Variants in PLCB1 observed in about 807,000 individuals in gnomAD.
The protein encoded by PLCB1 is phospholipase C beta 1.
A neutral mutation model predicts 161.8 loss-of-function variants in PLCB1; 46 were observed. That is an observed-to-expected ratio of 0.28 (90% CI 0.22 to 0.36). The LOEUF is 0.36. Ranked by LOEUF, PLCB1 falls within the 10% of genes least tolerant of loss-of-function variation. PLCB1 has a pLI of 1.00. For synonymous variants in PLCB1, 517 were observed against 503.7 expected (o/e 1.03, Z -0.35); for missense variants, 1,016 against 1,472.5 (o/e 0.69, Z 5.07).
intron 2 of PLCB1, among the ~76,000 whole-genome samples, chr20:8,286,421 T>C (rs1041733111): frequency 2.0e-5 from 3 of 152,234 alleles, no homozygotes; most frequent in African/African-American, 7.2e-5. Flanking sequence ...TCTCATATTA[T>C]GTAATGATAT....
chr20:8,735,521 T>C (rs888859427), intron 19 of PLCB1, among the ~76,000 whole-genome samples: 2 of 152,216 alleles, frequency 1.3e-5, no homozygotes, highest in African/African-American at 4.8e-5. Flanking sequence ...TTTGTTTTCA[T>C]CTTCTGGCAT....
At chr20:8,351,713 A>G (rs1986184590) in intron 2 of PLCB1, among the ~76,000 whole-genome samples, 1 of 152,082 alleles carries the variant, frequency 6.6e-6, no homozygotes, top group Admixed American at 6.5e-5. Flanking sequence ...GAAAACATAC[A>G]AACATAACAA....
intron 2 of PLCB1, among the ~76,000 whole-genome samples, chr20:8,205,183 T>C (rs1978459680): frequency 6.6e-6 from 1 of 152,226 alleles, no homozygotes; most frequent in Middle Eastern, 3.2e-3. Context: ...AGGTGATTAA[T>C]ATTCTTACAC....
intron 31 of PLCB1, among the ~76,000 whole-genome samples, chr20:8,843,612 A>T (rs6140756): frequency 0.32 from 48,587 of 151,820 alleles, 8,764 homozygotes; most frequent in East Asian, 0.63. Context: ...TCATAAATGA[A>T]TGTATAATAT....
At chr20:8,816,345 T>G (rs1985084611) in intron 31 of PLCB1, among the ~76,000 whole-genome samples, 1 of 152,140 alleles carries the variant, frequency 6.6e-6, no homozygotes, top group Non-Finnish European at 1.5e-5. Flanking sequence ...CTGGAAAATT[T>G]TGGAATACCA....
At chr20:8,803,240 G>T (rs915698451) in intron 31 of PLCB1, among the ~76,000 whole-genome samples, 3 of 151,866 alleles carry the variant, frequency 2.0e-5, no homozygotes, top group African/African-American at 7.3e-5. Flanking sequence ...AGTGGGGCCG[G>T]AAAGTCTGCC....
rs1208664909 is a variant in PLCB1, at chr20:8,697,622, A to G, written c.1010-4A>G. 5.0e-6 allele frequency: 8 copies of G among 1,613,864 alleles called. No individual in the cohort carries two copies. The African/African-American group carries it at 5.3e-5, about 11-fold the overall frequency. The stretch of plus-strand genomic sequence containing the variant: ...CTGGGGTTTGTTTTGTTGGTGTTTT[A>G]TAGCTGGCCAACTGGCTGGAAACTC... On this transcript the variant is annotated splice_region_variant and splice_polypyrimidine_tract_variant and intron_variant, in intron 10 of 31. Coordinates refer to ENST00000338037, the MANE Select transcript of PLCB1 (RefSeq NM_015192.4).
At chr20:8,748,563 A>G (rs1455950606) in intron 23 of PLCB1, among the ~76,000 whole-genome samples, 1 of 152,224 alleles carries the variant, frequency 6.6e-6, no homozygotes, top group Non-Finnish European at 1.5e-5. Flanking sequence ...AATAACTTCA[A>G]TATCCATGTC....
chr20:8,749,466 G>A (rs895905456), intron 23 of PLCB1, among the ~76,000 whole-genome samples: 1 of 152,260 alleles, frequency 6.6e-6, no homozygotes, highest in Non-Finnish European at 1.5e-5. Flanking sequence ...CGTACCAAAC[G>A]ATTTGACTTA....
chr20:8,152,337 C>A (rs1411288041), intron 2 of PLCB1, among the ~76,000 whole-genome samples: 1 of 152,034 alleles, frequency 6.6e-6, no homozygotes, highest in Admixed American at 6.6e-5. Context: ...TTGTCATTTT[C>A]TTTCTGGCTT....
intron 3 of PLCB1, among the ~76,000 whole-genome samples, chr20:8,505,472 T>C (rs1322338385): frequency 2.0e-5 from 3 of 152,168 alleles, no homozygotes; most frequent in Non-Finnish European, 4.4e-5. Context: ...ACATGTATGG[T>C]TCTCTCTCAC....
At chr20:8,738,467 A>G (rs564211180) in intron 20 of PLCB1, among the ~76,000 whole-genome samples, 3 of 152,202 alleles carry the variant, frequency 2.0e-5, no homozygotes, top group Non-Finnish European at 4.4e-5. Context: ...TAGTGGGTGC[A>G]GCGTACCAGC....
chr20:8,828,132 GTGGGATATCCTGCAT>G (rs759855841), intron 31 of PLCB1, among the ~76,000 whole-genome samples: 55 of 152,204 alleles, frequency 3.6e-4, no homozygotes, highest in Non-Finnish European at 5.4e-4. Flanking sequence ...TTTGATGGCT[GTGGGATATCCTGCAT>G]TGGGGGGTGT....
At chr20:8,755,905 A>G (rs868417631) in intron 23 of PLCB1, among the ~76,000 whole-genome samples, 1 of 152,232 alleles carries the variant, frequency 6.6e-6, no homozygotes, top group Non-Finnish European at 1.5e-5. Context: ...CCTCAGTCTG[A>G]CGTTGGACAG....
intron 25 of PLCB1, among the ~76,000 whole-genome samples, chr20:8,761,832 G>T (rs541529434): frequency 1.3e-5 from 2 of 149,008 alleles, no homozygotes; most frequent in East Asian, 2.0e-4. Flanking sequence ...GACCTCAGGT[G>T]ATCCACCCGC....
intron 3 of PLCB1, among the ~76,000 whole-genome samples, chr20:8,564,582 TC>T (rs1237155431): frequency 6.6e-6 from 1 of 151,964 alleles, no homozygotes; most frequent in Non-Finnish European, 1.5e-5. Flanking sequence ...TTGCAGTGTA[TC>T]CACCTGACAA....
chr20:8,870,326 A>C (rs2146323940), intron 31 of PLCB1, among the ~76,000 whole-genome samples: 1 of 152,358 alleles, frequency 6.6e-6, no homozygotes. Context: ...CTGAGACGTC[A>C]AAGTCATGAA....
intron 14 of PLCB1, among the ~76,000 whole-genome samples, chr20:8,720,428 G>A (rs562688471): frequency 1.4e-4 from 21 of 152,226 alleles, no homozygotes; most frequent in African/African-American, 4.3e-4. Flanking sequence ...AAAGAGCACC[G>A]CTAATTTACC....
intron 3 of PLCB1, among the ~76,000 whole-genome samples, chr20:8,524,284 C>T (rs1486494679): frequency 6.6e-6 from 1 of 151,864 alleles, no homozygotes; most frequent in Non-Finnish European, 1.5e-5. Flanking sequence ...TTCAATAAAT[C>T]ATGAAAAAAA....
Sources: gnomAD v4.1 joint callset for allele counts (sites outside exome capture counted in the v4.1 genomes callset) on GRCh38, gnomAD v4.1.1 for gene constraint, MANE v1.5 for transcripts, NCBI Gene and HGNC (gene_info 2026-07-23, HGNC 2026-07-21) for gene names.